The following CDC42BPB variants were observed in gnomAD, a reference collection of about 807,000 sequenced individuals.
CDC42BPB encodes CDC42 binding protein kinase beta.
A neutral mutation model predicts 214.9 loss-of-function variants in CDC42BPB; 37 were observed. That is an observed-to-expected ratio of 0.17 (90% CI 0.13 to 0.23). The LOEUF (loss-of-function observed/expected upper bound fraction) is 0.23, where lower values mean the gene tolerates loss of function less well. CDC42BPB is among the 10% of genes least tolerant of loss of function. The pLI, the probability that CDC42BPB is intolerant of heterozygous loss-of-function variation, is 1.00. For synonymous variants in CDC42BPB, 931 were observed against 884.0 expected, an observed-to-expected ratio of 1.05 and a Z score of -0.94; for missense variants, 1,694 against 2,227.0, an observed-to-expected ratio of 0.76 and a Z score of 4.82.
intron 36 of CDC42BPB, among the ~76,000 whole-genome samples, chr14:102,937,356 C>A (rs986607184): frequency 8.5e-5 from 13 of 152,250 alleles, no homozygotes; most frequent in Admixed American, 5.9e-4. Flanking sequence ...AGACAAAGGA[C>A]TTCCAGAGGA....
intron 20 of CDC42BPB, among the ~76,000 whole-genome samples, chr14:102,962,208 G>A (rs972244997): frequency 6.6e-6 from 1 of 152,240 alleles, no homozygotes; most frequent in Admixed American, 6.5e-5. Flanking sequence ...CAAAGTGGGA[G>A]GAACGTCACT....
intron 9 of CDC42BPB, among the ~76,000 whole-genome samples, chr14:102,976,383 G>A (rs72704747): frequency 3.3e-5 from 5 of 152,360 alleles, no homozygotes; most frequent in Non-Finnish European, 5.9e-5. Context: ...GCCCCAGCTC[G>A]TCTGCAGGTC....
Position 102,938,186 on chromosome 14 carries a change from G to C in CDC42BPB, c.4934-12C>G, listed in dbSNP as rs767754824. 2.5e-6 allele frequency: 4 copies of C among 1,612,632 alleles called. No individual in the cohort carries two copies. The South Asian group carries it at 4.4e-5, about 18-fold the overall frequency. ...AGGCTCCGATCCACCTACAGAACAA[G>C]GACAGCTTTCCTCTTAGGGAGAAAG... On this transcript the variant is annotated splice_polypyrimidine_tract_variant and intron_variant, in intron 35 of 36. Transcript: ENST00000361246.
intron 8 of CDC42BPB, 161 bp from the exon 9 acceptor site, chr14:102,978,366 G>C: frequency 1.0e-6 from 1 of 984,144 alleles, no homozygotes; most frequent in African/African-American, 1.7e-5. Context: ...GATGAGTATA[G>C]CAGATCTGTC....
chr14:102,955,468 C>T (rs373886557), intron 21 of CDC42BPB, among the ~76,000 whole-genome samples: 2 of 152,260 alleles, frequency 1.3e-5, no homozygotes, highest in African/African-American at 4.8e-5. Flanking sequence ...GCTTCTTAAC[C>T]TCATTTCAAG....
At chr14:103,005,010 A>C (rs1895170428) in intron 3 of CDC42BPB, among the ~76,000 whole-genome samples, 1 of 151,872 alleles carries the variant, frequency 6.6e-6, no homozygotes, top group Non-Finnish European at 1.5e-5. Flanking sequence ...TATTAAAAAT[A>C]CAAAAAAATT....
chr14:103,020,273 G>C (rs17101195), intron 1 of CDC42BPB, among the ~76,000 whole-genome samples: 16,920 of 152,278 alleles, frequency 0.11, 1,108 homozygotes, highest in African/African-American at 0.17. Flanking sequence ...CAATGGCCAA[G>C]CAACATGCAG....
At chr14:103,041,838 C>T in intron 1 of CDC42BPB, 1 of 406,310 alleles carries the variant, frequency 2.5e-6, no homozygotes, top group Non-Finnish European at 4.8e-6. Flanking sequence ...CCAACCTCAC[C>T]CTCTACCCCA....
intron 12 of CDC42BPB, among the ~76,000 whole-genome samples, chr14:102,972,685 C>T (rs949963412): frequency 2.5e-5 from 2 of 79,716 alleles, no homozygotes; most frequent in Non-Finnish European, 2.3e-5. Context: ...CAAGACTCTG[C>T]CTCAAAAAAA....
chr14:103,032,974 T>A (rs1887476516), intron 1 of CDC42BPB, among the ~76,000 whole-genome samples: 1 of 151,994 alleles, frequency 6.6e-6, no homozygotes, highest in Non-Finnish European at 1.5e-5. Context: ...GACTATTTTA[T>A]GATATTGAGA....
At chr14:102,982,721 T>C (rs750355792) in intron 7 of CDC42BPB, among the ~76,000 whole-genome samples, 2 of 151,760 alleles carry the variant, frequency 1.3e-5, no homozygotes, top group Non-Finnish European at 2.9e-5. Flanking sequence ...GATTGCACCA[T>C]TGCACTCCAG....
chr14:102,973,994 C>T, intron 12 of CDC42BPB, 22 bp downstream of exon 12: 1 of 1,585,976 alleles, frequency 6.3e-7, no homozygotes, highest in Non-Finnish European at 8.6e-7. Flanking sequence ...AAGCCTTTCT[C>T]ACCCCAAACT....
At chr14:103,011,102 C>G (rs190347795) in intron 2 of CDC42BPB, among the ~76,000 whole-genome samples, 187 of 152,350 alleles carry the variant, frequency 1.2e-3, no homozygotes, top group African/African-American at 3.9e-3. Flanking sequence ...GTACCGCGGC[C>G]GCTGAGGGAG....
chr14:102,940,150 G>T lies in CDC42BPB; in HGVS notation c.4507-20C>A. The stretch of plus-strand genomic sequence containing the variant: ...CCTTATCTGGATTGGAAACCAGGGA[G>T]GGACAGTAAGCGCGGCCACGCACAG... On this transcript the variant is annotated intron_variant, in intron 31 of 36. Coordinates refer to ENST00000361246, the MANE Select transcript of CDC42BPB (RefSeq NM_006035.4). 1.2e-6 allele frequency: 2 copies of T among 1,614,064 alleles called. No homozygotes were observed. The highest frequency in any genetic ancestry group is 2.2e-5 in the South Asian group (2 of 91,078).
At chr14:102,966,990 C>A in intron 17 of CDC42BPB, 56 bp downstream of exon 17, 1 of 1,585,396 alleles carries the variant, frequency 6.3e-7, no homozygotes, top group East Asian at 2.2e-5. Context: ...GCGGGGCAGA[C>A]CCCATGGACT....
rs35148583 is a variant in CDC42BPB, at chr14:102,976,303, T to TC, written c.1221-255dup. 1.4e-3 allele frequency: 873 copies of TC among 646,548 alleles called. 15 individuals carry two copies. The African/African-American group carries it at 0.016, about 12-fold the overall frequency. 40.1% of individuals were successfully genotyped at this position (646,548 alleles called of 1,614,324 possible). A position where few individuals can be genotyped will look rare whatever the true frequency, so the allele number is the denominator to read the frequency against. The stretch of plus-strand genomic sequence containing the variant: ...GAGGGGAAATGGCATTTCTAAATCA[T>TC]CCCCCACACTTAACTATAAATGCAA... On this transcript the variant is annotated intron_variant, in intron 9 of 36. Transcript: ENST00000361246.
intron 1 of CDC42BPB, among the ~76,000 whole-genome samples, chr14:103,047,363 C>T (rs983372140): frequency 2.0e-5 from 3 of 151,508 alleles, no homozygotes; most frequent in Non-Finnish European, 4.4e-5. Flanking sequence ...AGGACCCAAG[C>T]GTCCCAATCA....
intron 27 of CDC42BPB, 63 bp downstream of exon 27, chr14:102,947,658 C>T: frequency 3.6e-6 from 5 of 1,395,762 alleles, no homozygotes; most frequent in Non-Finnish European, 5.1e-6. Flanking sequence ...AGCACAATGA[C>T]ATGCCTAGAA....
At chr14:102,941,279 C>T (rs545051260) in intron 30 of CDC42BPB, 61 of 985,446 alleles carry the variant, frequency 6.2e-5, no homozygotes, top group South Asian at 9.4e-5. Context: ...CTTCTGCCTC[C>T]GGAGTTCAAG....
Sources: gnomAD v4.1 joint callset for allele counts (sites outside exome capture counted in the v4.1 genomes callset) on GRCh38, gnomAD v4.1.1 for gene constraint, MANE v1.5 for transcripts, NCBI Gene and HGNC (gene_info 2026-07-23, HGNC 2026-07-21) for gene names.